The following LCLAT1 variants were observed in gnomAD, a reference collection of about 807,000 sequenced individuals.
LCLAT1 encodes the protein 1-AGP acyltransferase 8.
A neutral mutation model predicts 30.7 loss-of-function variants in LCLAT1; 11 were observed. The ratio of observed to expected loss-of-function variants is 0.36; its 90% CI spans 0.23 to 0.59. The LOEUF (loss-of-function observed/expected upper bound fraction) is 0.59, where lower values mean the gene tolerates loss of function less well. Among genes scored for constraint, LCLAT1 ranks in the 20% least tolerant of loss-of-function variants. LCLAT1 has a pLI of 0.77. For synonymous variants in LCLAT1, 155 were observed against 151.3 expected, an observed-to-expected ratio of 1.02 and a Z score of -0.18; for missense variants, 402 against 458.6, an observed-to-expected ratio of 0.88 and a Z score of 1.13.
Position 30,597,721 on chromosome 2 carries a change from G to A in LCLAT1, c.628+29545G>A, listed in dbSNP as rs544205479. Among the ~76,000 whole-genome samples the A allele has an allele frequency of 4.5e-4, 68 of 152,066 alleles. 1 individual carries two copies. Among genetic ancestry groups the A allele is most frequent in the Non-Finnish European group, 7.5e-4 (51 of 68,004 alleles). On this transcript the variant is annotated intron_variant, in intron 5 of 5. Coordinates refer to ENST00000379509, the MANE Select transcript of LCLAT1 (RefSeq NM_001002257.3). ...GAGAGAGGGCATCCTTGTTTATGCT[G>A]GTTTTTCAAGGGGAATGCTTCCAGC...
chr2:30,468,983 T>A (rs1237335172), intron 1 of LCLAT1, among the ~76,000 whole-genome samples: 1 of 152,236 alleles, frequency 6.6e-6, no homozygotes, highest in Non-Finnish European at 1.5e-5. Flanking sequence ...GTGGTTTTGA[T>A]TTGCATTTCC....
In LCLAT1 at chr2:30,639,041, C is replaced by T. The variant is rs181753751; in HGVS notation, c.629-1076C>T. Among the ~76,000 whole-genome samples the T allele has an allele frequency of 7.4e-4, 112 of 152,270 alleles. No individual in the cohort carries two copies. In the South Asian group the frequency reaches 9.7e-3, roughly 13 times the overall value. On this transcript the variant is annotated intron_variant, in intron 5 of 5. Transcript: ENST00000379509. ...TTTGCTAAAATGAAACATATGGGTT[C>T]CTTCTGTCTGAAATCCTTAAGTAGT...
At chr2:30,455,474 A>T (rs781679619) in intron 1 of LCLAT1, among the ~76,000 whole-genome samples, 7 of 152,200 alleles carry the variant, frequency 4.6e-5, no homozygotes, top group Non-Finnish European at 1.0e-4. Flanking sequence ...TGGAAGATCT[A>T]GGGGAGAATC....
chr2:30,617,121 T>C (rs1668031693), intron 5 of LCLAT1, among the ~76,000 whole-genome samples: 2 of 152,182 alleles, frequency 1.3e-5, no homozygotes, highest in African/African-American at 4.8e-5. Flanking sequence ...GAGCCACATA[T>C]CTACCCACAG....
At chr2:30,591,383 G>T (rs1666686838) in intron 5 of LCLAT1, among the ~76,000 whole-genome samples, 1 of 152,044 alleles carries the variant, frequency 6.6e-6, no homozygotes, top group Non-Finnish European at 1.5e-5. Flanking sequence ...TATTACTAAT[G>T]AACTGTTTAA....
intron 3 of LCLAT1, among the ~76,000 whole-genome samples, chr2:30,545,854 A>G (rs1029588213): frequency 6.6e-6 from 1 of 152,194 alleles, no homozygotes; most frequent in Non-Finnish European, 1.5e-5. Flanking sequence ...TCTCTGGATC[A>G]TTAATCACTG....
chr2:30,526,900 A>G (rs1162063524), intron 2 of LCLAT1, among the ~76,000 whole-genome samples: 1 of 152,188 alleles, frequency 6.6e-6, no homozygotes, highest in African/African-American at 2.4e-5. Context: ...TAAGACTATT[A>G]ATTTTTAGAG....
At chr2:30,619,112 T>C (rs1668128120) in intron 5 of LCLAT1, among the ~76,000 whole-genome samples, 1 of 152,200 alleles carries the variant, frequency 6.6e-6, no homozygotes, top group Admixed American at 6.5e-5. Context: ...TCTTCCTACG[T>C]AATCCCTGGT....
intron 5 of LCLAT1, among the ~76,000 whole-genome samples, chr2:30,588,730 A>G (rs186169081): frequency 1.3e-5 from 2 of 152,146 alleles, no homozygotes; most frequent in Non-Finnish European, 2.9e-5. Context: ...CCTCCCAAGT[A>G]GCTGGGATTA....
At chr2:30,460,308 C>T (rs1304291268) in intron 1 of LCLAT1, among the ~76,000 whole-genome samples, 1 of 152,202 alleles carries the variant, frequency 6.6e-6, no homozygotes, top group Non-Finnish European at 1.5e-5. Flanking sequence ...TTGATTAAAA[C>T]TAAATTCATT....
intron 5 of LCLAT1, among the ~76,000 whole-genome samples, chr2:30,614,388 T>C (rs1474542788): frequency 6.6e-6 from 1 of 151,754 alleles, no homozygotes; most frequent in Non-Finnish European, 1.5e-5. Flanking sequence ...CTATGTCTAC[T>C]TCTTTCTACA....
At chr2:30,588,620 A>G (rs1254187462) in intron 5 of LCLAT1, among the ~76,000 whole-genome samples, 1 of 151,852 alleles carries the variant, frequency 6.6e-6, no homozygotes, top group African/African-American at 2.4e-5. Context: ...GAATTTCACT[A>G]TTGTTGCCCA....
At chr2:30,632,310 A>C (rs970980615) in intron 5 of LCLAT1, among the ~76,000 whole-genome samples, 1 of 152,242 alleles carries the variant, frequency 6.6e-6, no homozygotes, top group Non-Finnish European at 1.5e-5. Context: ...ACAGGTGGCC[A>C]ATGATCCTAG....
intron 5 of LCLAT1, among the ~76,000 whole-genome samples, chr2:30,582,125 G>C (rs1666234718): frequency 6.6e-6 from 1 of 152,082 alleles, no homozygotes; most frequent in African/African-American, 2.4e-5. Flanking sequence ...GGGTCAAGGA[G>C]CTTCTAAAAC....
chr2:30,478,747 A>T lies in LCLAT1; in HGVS notation c.-5+31364A>T, dbSNP rs534202506. Among the ~76,000 whole-genome samples, 9 of 152,110 alleles carry T rather than the reference A, an allele frequency of 5.9e-5. No homozygotes were observed. In the East Asian group the frequency reaches 1.7e-3, roughly 29 times the overall value. On this transcript the variant is annotated intron_variant, in intron 1 of 5. Transcript: ENST00000379509. ...AATTTAAAAAACCAAACATAGACAC[A>T]CATAAACAAATGAAGTAACTTTCAT... is the stretch of plus-strand genomic sequence containing the variant.
At chr2:30,474,938 C>A (rs1682975881) in intron 1 of LCLAT1, among the ~76,000 whole-genome samples, 1 of 152,064 alleles carries the variant, frequency 6.6e-6, no homozygotes, top group Non-Finnish European at 1.5e-5. Context: ...AGGCATGAGC[C>A]ACCACACCTG....
intron 5 of LCLAT1, among the ~76,000 whole-genome samples, chr2:30,597,055 A>G (rs1022341656): frequency 4.9e-5 from 7 of 143,212 alleles, no homozygotes; most frequent in African/African-American, 7.7e-5. Flanking sequence ...GCCCTGTAGT[A>G]TAGTTTGAAG....
At chr2:30,545,105 A>AAC (rs1235775222) in intron 3 of LCLAT1, among the ~76,000 whole-genome samples, 1 of 152,202 alleles carries the variant, frequency 6.6e-6, no homozygotes, top group Admixed American at 6.5e-5. Context: ...AAAAGATTTT[A>AAC]GAACCTCGAA....
intron 5 of LCLAT1, among the ~76,000 whole-genome samples, chr2:30,603,183 T>C (rs1667273027): frequency 6.6e-6 from 1 of 152,090 alleles, no homozygotes; most frequent in African/African-American, 2.4e-5. Flanking sequence ...TGGCACAGAA[T>C]AAACATTCAG....
Sources: gnomAD v4.1 joint callset for allele counts (sites outside exome capture counted in the v4.1 genomes callset) on GRCh38, gnomAD v4.1.1 for gene constraint, MANE v1.5 for transcripts, NCBI Gene and HGNC (gene_info 2026-07-23, HGNC 2026-07-21) for gene names.